Variants in XKR6 observed in about 807,000 individuals in gnomAD.
XKR6 encodes the protein XK related 6.
In XKR6, 22 loss-of-function variants were observed where a neutral mutation model predicts 56.7. The observed-to-expected ratio is 0.39, with a 90% CI of 0.28 to 0.55. The LOEUF (loss-of-function observed/expected upper bound fraction) is 0.55. Ranked by LOEUF, XKR6 falls within the 20% of genes least tolerant of loss-of-function variation. The probability of loss-of-function intolerance (pLI) is 0.66; values close to 1 mark genes in which losing one functional copy is unlikely to be tolerated. For missense variants in XKR6, 852 were observed against 889.0 expected, an observed-to-expected ratio of 0.96 and a Z score of 0.53; for synonymous variants, 524 against 387.8, an observed-to-expected ratio of 1.35 and a Z score of -4.13.
At chr8:11,187,864 G>C (rs1194327447) in intron 1 of XKR6, among the ~76,000 whole-genome samples, 1 of 152,180 alleles carries the variant, frequency 6.6e-6, no homozygotes. Context: ...GGATGAACAT[G>C]TCCCAGGATA....
chr8:10,915,596 G>T (rs1023266486), intron 2 of XKR6, among the ~76,000 whole-genome samples: 2 of 152,148 alleles, frequency 1.3e-5, no homozygotes, highest in Non-Finnish European at 2.9e-5. Flanking sequence ...TGGCATGCAG[G>T]TTCAAGCCAG....
chr8:11,054,397 C>T (rs1397595957), intron 1 of XKR6, among the ~76,000 whole-genome samples: 1 of 152,252 alleles, frequency 6.6e-6, no homozygotes, highest in East Asian at 1.9e-4. Flanking sequence ...TACAAGAAAT[C>T]TGTCCATGTA....
chr8:11,126,977 G>C (rs1004372829), intron 1 of XKR6, among the ~76,000 whole-genome samples: 2 of 152,268 alleles, frequency 1.3e-5, no homozygotes, highest in Admixed American at 1.3e-4. Context: ...ATTGAGCAAA[G>C]AAATCAAAGC....
At chr8:10,929,642 T>A (rs1801000319) in intron 1 of XKR6, among the ~76,000 whole-genome samples, 1 of 152,264 alleles carries the variant, frequency 6.6e-6, no homozygotes, top group Non-Finnish European at 1.5e-5. Flanking sequence ...CTAACTTCTC[T>A]GAGCCTTAGT....
chr8:10,916,653 C>G (rs1311276546), intron 2 of XKR6, among the ~76,000 whole-genome samples: 1 of 152,286 alleles, frequency 6.6e-6, no homozygotes, highest in South Asian at 2.1e-4. Context: ...GGATACTTGG[C>G]CAGGGAGACA....
intron 1 of XKR6, among the ~76,000 whole-genome samples, chr8:11,128,228 C>T (rs1439663772): frequency 2.6e-5 from 4 of 152,164 alleles, no homozygotes; most frequent in African/African-American, 4.8e-5. Context: ...CTGGCCAGAC[C>T]TTCGCACTCC....
chr8:11,063,544 G>A (rs987049945), intron 1 of XKR6, among the ~76,000 whole-genome samples: 76 of 149,376 alleles, frequency 5.1e-4, no homozygotes, highest in Non-Finnish European at 3.0e-4. Context: ...GTCCTATTAC[G>A]CTACTGAGAT....
intron 1 of XKR6, among the ~76,000 whole-genome samples, chr8:11,197,464 C>G (rs901008951): frequency 2.0e-5 from 3 of 152,226 alleles, no homozygotes; most frequent in Non-Finnish European, 1.5e-5. Context: ...AATGCTCTCA[C>G]TCTCTATTAA....
chr8:11,070,594 C>T (rs749735124), intron 1 of XKR6, among the ~76,000 whole-genome samples: 35 of 152,272 alleles, frequency 2.3e-4, no homozygotes, highest in Non-Finnish European at 4.1e-4. Flanking sequence ...GCCAGTGCCT[C>T]ACTAGTAGAT....
chr8:10,940,987 T>C (rs1421767588), intron 1 of XKR6, among the ~76,000 whole-genome samples: 1 of 152,152 alleles, frequency 6.6e-6, no homozygotes, highest in Non-Finnish European at 1.5e-5. Context: ...CTGGTCCCTG[T>C]AGCCACAGTG....
In XKR6 at chr8:11,124,044, T is replaced by C. The variant is rs139230708; in HGVS notation, c.764+76532A>G. 5 of 455,912 alleles carry C rather than the reference T, an allele frequency of 1.1e-5. No individual in the cohort carries two copies. The East Asian group carries it at 3.5e-4, about 32-fold the overall frequency. The allele number at this position is 455,912 out of a possible 1,614,324, so 28.2% of individuals were successfully genotyped here. On this transcript the variant is annotated intron_variant, in intron 1 of 2. Coordinates refer to ENST00000416569, the MANE Select transcript of XKR6 (RefSeq NM_173683.4). ...AAATCCCAAGCAATCTCTAGGCCCC[T>C]CCTGTCCTGCTTGAGCTCTCTCTCT...
chr8:11,195,792 G>A (rs1803852620), intron 1 of XKR6, among the ~76,000 whole-genome samples: 2 of 151,886 alleles, frequency 1.3e-5, no homozygotes, highest in South Asian at 4.2e-4. Context: ...GGGACTACAG[G>A]CGCCCGCCAC....
chr8:11,178,688 T>C (rs10089039), intron 1 of XKR6, among the ~76,000 whole-genome samples: 4,890 of 139,124 alleles, frequency 0.035, 277 homozygotes, highest in African/African-American at 0.15. Flanking sequence ...TATATATATA[T>C]ATATGTATAT....
chr8:10,907,144 G>A (rs757104457), intron 2 of XKR6, among the ~76,000 whole-genome samples: 3 of 152,174 alleles, frequency 2.0e-5, no homozygotes, highest in African/African-American at 7.2e-5. Context: ...ATATGTGGCC[G>A]AGGAGATCAG....
intron 1 of XKR6, among the ~76,000 whole-genome samples, chr8:11,095,811 T>C (rs1188597151): frequency 1.3e-5 from 2 of 152,230 alleles, no homozygotes; most frequent in African/African-American, 4.8e-5. Flanking sequence ...TTCTGATGCA[T>C]ATATCTGGTT....
At chr8:11,076,597 A>G (rs1301361650) in intron 1 of XKR6, among the ~76,000 whole-genome samples, 13 of 152,168 alleles carry the variant, frequency 8.5e-5, no homozygotes, top group Admixed American at 8.5e-4. Context: ...TTTCTAACCT[A>G]TAAATTGATG....
intron 1 of XKR6, among the ~76,000 whole-genome samples, chr8:11,022,602 A>G (rs929011397): frequency 6.6e-6 from 1 of 152,204 alleles, no homozygotes; most frequent in East Asian, 1.9e-4. Flanking sequence ...AGGAGAATGC[A>G]TGCGCTTCCT....
chr8:11,169,329 A>T (rs1802246444), intron 1 of XKR6, among the ~76,000 whole-genome samples: 1 of 152,198 alleles, frequency 6.6e-6, no homozygotes, highest in African/African-American at 2.4e-5. Flanking sequence ...ACAATGAGAG[A>T]CTGCTACATT....
intron 1 of XKR6, among the ~76,000 whole-genome samples, chr8:11,026,043 C>T (rs1400873411): frequency 6.6e-6 from 1 of 152,166 alleles, no homozygotes; most frequent in Non-Finnish European, 1.5e-5. Context: ...AGTCATGCAC[C>T]AATCAACAAC....
Sources: gnomAD v4.1 joint callset for allele counts (sites outside exome capture counted in the v4.1 genomes callset) on GRCh38, gnomAD v4.1.1 for gene constraint, MANE v1.5 for transcripts, NCBI Gene and HGNC (gene_info 2026-07-23, HGNC 2026-07-21) for gene names.